Variants in CPXM2 observed in about 807,000 individuals in gnomAD.
CPXM2 encodes the protein inactive carboxypeptidase-like protein X2.
Under a neutral mutation model 86.1 loss-of-function variants are expected in CPXM2, and 66 were observed. That is an observed-to-expected ratio of 0.77 (90% CI 0.63 to 0.94). The LOEUF (loss-of-function observed/expected upper bound fraction) is 0.94, where lower values mean the gene tolerates loss of function less well. CPXM2 is among the 40% of genes least tolerant of loss of function. The pLI is 0.00. For missense variants in CPXM2, 948 were observed against 1,026.3 expected, an observed-to-expected ratio of 0.92 and a Z score of 1.04; for synonymous variants, 388 against 400.2, an observed-to-expected ratio of 0.97 and a Z score of 0.36.
intron 3 of CPXM2, among the ~76,000 whole-genome samples, chr10:123,856,255 T>G (rs1487111667): frequency 6.6e-6 from 1 of 152,234 alleles, no homozygotes; most frequent in East Asian, 1.9e-4. Context: ...AGACCCTGAC[T>G]GACTTACTGT....
At chr10:123,751,670 T>C (rs1282243604) in intron 13 of CPXM2, 55 of 985,302 alleles carry the variant, frequency 5.6e-5, no homozygotes, top group South Asian at 2.3e-4. Context: ...TGGAATTCCA[T>C]TTAATACCCC....
At chr10:123,753,167 C>T (rs146787824) in intron 13 of CPXM2, among the ~76,000 whole-genome samples, 134 of 152,200 alleles carry the variant, frequency 8.8e-4, no homozygotes, top group African/African-American at 3.1e-3. Flanking sequence ...ACAGAGGCGC[C>T]GCAGTGATGA....
intron 6 of CPXM2, among the ~76,000 whole-genome samples, chr10:123,785,956 A>C (rs1847045090): frequency 6.6e-6 from 1 of 152,198 alleles, no homozygotes; most frequent in East Asian, 1.9e-4. Flanking sequence ...TAAGGATCAC[A>C]GCTCTGACTA....
chr10:123,860,077 T>A (rs537150160), intron 3 of CPXM2, among the ~76,000 whole-genome samples: 4 of 152,126 alleles, frequency 2.6e-5, no homozygotes, highest in South Asian at 4.1e-4. Context: ...ACATCTAACA[T>A]GGGGCTTACT....
intron 4 of CPXM2, among the ~76,000 whole-genome samples, chr10:123,841,461 C>T (rs990486499): frequency 6.6e-6 from 1 of 152,204 alleles, no homozygotes. Context: ...ATCTCCAGAA[C>T]TTTTCATCAA....
chr10:123,914,141 T>C (rs1945515021), intron 2 of CPXM2: 1 of 454,624 alleles, frequency 2.2e-6, no homozygotes. Flanking sequence ...GAAATGAGCA[T>C]GGCCAAGTTG....
intron 1 of CPXM2, among the ~76,000 whole-genome samples, chr10:123,881,130 T>G (rs1431692737): frequency 1.3e-5 from 2 of 151,412 alleles, no homozygotes; most frequent in Non-Finnish European, 2.9e-5. Context: ...CTGCACTCCC[T>G]CTCCCTGCTC....
chr10:123,756,925 G>C (rs898638647), intron 12 of CPXM2, among the ~76,000 whole-genome samples: 1 of 152,192 alleles, frequency 6.6e-6, no homozygotes, highest in Non-Finnish European at 1.5e-5. Context: ...GAGGGGCCTG[G>C]GCACATTGGC....
At chr10:123,769,606 G>A (rs1165259246) in intron 8 of CPXM2, 2 of 152,076 alleles carry the variant, frequency 1.3e-5, no homozygotes, top group African/African-American at 4.8e-5. Flanking sequence ...AATAAAAGAG[G>A]TGGTGCCTTC....
intron 1 of CPXM2, among the ~76,000 whole-genome samples, chr10:123,881,336 C>T (rs537140770): frequency 1.3e-5 from 2 of 150,822 alleles, no homozygotes; most frequent in South Asian, 2.1e-4. Context: ...TAAACTTTCC[C>T]GACCTCCCCA....
At chr10:123,831,352 T>C (rs890150983) in intron 4 of CPXM2, among the ~76,000 whole-genome samples, 1 of 152,200 alleles carries the variant, frequency 6.6e-6, no homozygotes, top group Non-Finnish European at 1.5e-5. Flanking sequence ...GGGTCAGCCC[T>C]GCCTCTGTCC....
chr10:123,776,988 GA>G (rs1846807093), intron 7 of CPXM2: 1 of 152,196 alleles, frequency 6.6e-6, no homozygotes. Context: ...ATTTGTCTGA[GA>G]AACAGGCACC....
Position 123,909,945 on chromosome 10 carries a change from G to C in CPXM2, n.174+29532C>G, listed in dbSNP as rs1178288391. On this transcript the variant is annotated intron_variant and non_coding_transcript_variant, in intron 2 of 19. Transcript: ENST00000368854. ...TGCACGTGGAAACAAAGATGCCCTC[G>C]AGAGAGGTGGCCCAGCTTCCATATC... Among the ~76,000 whole-genome samples, 4 of 152,272 alleles carry C rather than the reference G, an allele frequency of 2.6e-5. No homozygotes were observed. In the East Asian group the frequency reaches 5.8e-4, roughly 22 times the overall value.
At chr10:123,804,798 T>A (rs1418258053) in intron 4 of CPXM2, among the ~76,000 whole-genome samples, 16 of 152,236 alleles carry the variant, frequency 1.1e-4, no homozygotes, top group Admixed American at 1.0e-3. Context: ...ATTTCACCAC[T>A]GAGTAAGATG....
chr10:123,770,319 A>C (rs1341544289), intron 8 of CPXM2, among the ~76,000 whole-genome samples: 1 of 152,122 alleles, frequency 6.6e-6, no homozygotes, highest in Non-Finnish European at 1.5e-5. Context: ...AACAAAAAAA[A>C]CCACTTCCGG....
intron 2 of CPXM2, among the ~76,000 whole-genome samples, chr10:123,934,076 T>C (rs1452898370): frequency 6.6e-6 from 1 of 152,036 alleles, no homozygotes; most frequent in Non-Finnish European, 1.5e-5. Context: ...TTTGTAATGT[T>C]GGGGTCAAGG....
chr10:123,835,682 C>A (rs1848263526), intron 4 of CPXM2, among the ~76,000 whole-genome samples: 2 of 152,212 alleles, frequency 1.3e-5, no homozygotes. Context: ...TGAAAACACA[C>A]ACACCCTCTC....
intron 4 of CPXM2, among the ~76,000 whole-genome samples, chr10:123,805,122 C>T (rs1847551994): frequency 1.3e-5 from 2 of 151,998 alleles, no homozygotes; most frequent in South Asian, 4.1e-4. Flanking sequence ...TTTTCATTTT[C>T]ATATATATTG....
At chr10:123,774,072 G>A (rs894592824) in intron 7 of CPXM2, among the ~76,000 whole-genome samples, 2 of 152,290 alleles carry the variant, frequency 1.3e-5, no homozygotes, top group Non-Finnish European at 2.9e-5. Flanking sequence ...TCTTTTTTGA[G>A]CCAGGCACCT....
Sources: allele counts gnomAD v4.1 joint callset (sites outside exome capture counted in the v4.1 genomes callset), GRCh38; gene constraint gnomAD v4.1.1; transcripts MANE v1.5; gene names NCBI Gene and HGNC (gene_info 2026-07-23, HGNC 2026-07-21).